The following GRAMD4 variants were observed in gnomAD, a reference collection of about 807,000 sequenced individuals.
GRAMD4 encodes GRAM domain-containing protein 4.
GRAMD4 carries 25 observed loss-of-function variants against 83.9 expected under a neutral mutation model. The ratio of observed to expected loss-of-function variants is 0.30; its 90% confidence interval spans 0.22 to 0.42. GRAMD4 has a LOEUF of 0.42. Among genes scored for constraint, GRAMD4 ranks in the 10% least tolerant of loss-of-function variants. GRAMD4 has a pLI of 1.00. For missense variants in GRAMD4, 593 were observed against 788.7 expected, an observed-to-expected ratio of 0.75 and a Z score of 2.97; for synonymous variants, 336 against 320.9, an observed-to-expected ratio of 1.05 and a Z score of -0.50.
Position 46,611,228 on chromosome 22 carries a change from AT to A in GRAMD4, c.-49-15522del, listed in dbSNP as rs201302726. Among the ~76,000 whole-genome samples, 215 of 150,466 alleles carry A rather than the reference AT, an allele frequency of 1.4e-3. 4 individuals carry two copies. The highest frequency in any genetic ancestry group is 2.2e-3 in the Non-Finnish European group (149 of 67,482). On this transcript the variant is annotated intron_variant, in intron 1 of 1. Transcript: ENST00000431155. ...CGAAACTCCATCTCAAAAAAAAAAA[AT>A]ATTAAATAAAAAATAAACATCTATG...
intron 8 of GRAMD4, 94 bp downstream of exon 8, chr22:46,664,211 C>A: frequency 1.1e-6 from 1 of 893,436 alleles, no homozygotes; most frequent in Non-Finnish European, 1.9e-6. Context: ...TGGGAGGTGG[C>A]CCCCAGGTGG....
At chr22:46,676,171 C>G (rs1401939200) in intron 17 of GRAMD4, among the ~76,000 whole-genome samples, 2 of 152,210 alleles carry the variant, frequency 1.3e-5, no homozygotes, top group Non-Finnish European at 2.9e-5. Context: ...ATCTCTCCCA[C>G]CCGGCTCTGG....
At chr22:46,611,503 C>T (rs531440581) in intron 1 of GRAMD4, among the ~76,000 whole-genome samples, 1 of 152,062 alleles carries the variant, frequency 6.6e-6, no homozygotes, top group Non-Finnish European at 1.5e-5. Context: ...ACCCATTTGT[C>T]AGGTGGTTTA....
chr22:46,583,335 A>G (rs954104832), intron 1 of GRAMD4, among the ~76,000 whole-genome samples: 3 of 152,240 alleles, frequency 2.0e-5, no homozygotes, highest in Non-Finnish European at 2.9e-5. Context: ...TTAACATCTT[A>G]CATTAGTATG....
chr22:46,639,204 G>A (rs2081937295), intron 3 of GRAMD4, among the ~76,000 whole-genome samples: 1 of 151,120 alleles, frequency 6.6e-6, no homozygotes, highest in Non-Finnish European at 1.5e-5. Context: ...GGTTAACTCT[G>A]TGTATGCATG....
At chr22:46,652,518 G>A (rs997886700) in intron 3 of GRAMD4, among the ~76,000 whole-genome samples, 1 of 152,228 alleles carries the variant, frequency 6.6e-6, no homozygotes. Flanking sequence ...CAAATGCAGA[G>A]GTCACCAAGG....
chr22:46,617,328 A>T (rs1347267000), upstream of GRAMD4, among the ~76,000 whole-genome samples: 1 of 104,240 alleles, frequency 9.6e-6, no homozygotes. Flanking sequence ...ACGTTCCCCT[A>T]AGCATGTAGG....
At chr22:46,606,829 A>G (rs1363098328) in intron 1 of GRAMD4, among the ~76,000 whole-genome samples, 1 of 152,260 alleles carries the variant, frequency 6.6e-6, no homozygotes, top group Non-Finnish European at 1.5e-5. Flanking sequence ...TGCTGTGGAC[A>G]TGGGTGTGCC....
At chr22:46,661,486 T>G (rs1601658190) in intron 5 of GRAMD4, 44 bp downstream of exon 5, 1 of 1,255,896 alleles carries the variant, frequency 8.0e-7, no homozygotes, top group Non-Finnish European at 1.2e-6. Context: ...GGCGGGTGGG[T>G]GGCTGCGCGT....
chr22:46,641,040 C>T (rs374604588), intron 3 of GRAMD4, among the ~76,000 whole-genome samples: 16 of 152,128 alleles, frequency 1.1e-4, no homozygotes, highest in South Asian at 2.1e-4. Context: ...CACTCCAGCC[C>T]GGATGACAGA....
chr22:46,624,079 G>A (rs553977392), intron 1 of GRAMD4, among the ~76,000 whole-genome samples: 1 of 152,200 alleles, frequency 6.6e-6, no homozygotes, highest in South Asian at 2.1e-4. Context: ...ACCGCACCTG[G>A]CCTAGTCAAG....
chr22:46,625,787 CT>C (rs1206073105), intron 1 of GRAMD4, among the ~76,000 whole-genome samples: 1 of 152,254 alleles, frequency 6.6e-6, no homozygotes, highest in African/African-American at 2.4e-5. Context: ...GGCCTCCAGG[CT>C]TTTGGGGGTG....
chr22:46,595,352 T>C (rs2081251573), intron 1 of GRAMD4, among the ~76,000 whole-genome samples: 1 of 152,206 alleles, frequency 6.6e-6, no homozygotes, highest in Admixed American at 6.5e-5. Flanking sequence ...ATAGTGTCTC[T>C]TCCGACTTTA....
At chr22:46,662,320 C>T (rs1384242841) in intron 5 of GRAMD4, among the ~76,000 whole-genome samples, 1 of 152,214 alleles carries the variant, frequency 6.6e-6, no homozygotes, top group East Asian at 1.9e-4. Context: ...ACCACAGGCC[C>T]TCTGGTCCCA....
At chr22:46,655,348 C>T (rs575173341) in intron 3 of GRAMD4, among the ~76,000 whole-genome samples, 153 of 152,160 alleles carry the variant, frequency 1.0e-3, no homozygotes, top group African/African-American at 3.3e-3. Flanking sequence ...GAGTTCTAAG[C>T]GGGAAAGCAA....
At chr22:46,657,816 A>G (rs1337169631) in intron 3 of GRAMD4, among the ~76,000 whole-genome samples, 1 of 152,222 alleles carries the variant, frequency 6.6e-6, no homozygotes, top group Non-Finnish European at 1.5e-5. Flanking sequence ...TGGGCTGGCC[A>G]GGTGTGGTCA....
At chr22:46,680,594 C>T (rs1377793713), downstream of GRAMD4, among the ~76,000 whole-genome samples, 2 of 130,220 alleles carry the variant, frequency 1.5e-5, no homozygotes, top group Non-Finnish European at 3.4e-5. Flanking sequence ...ATCCATCCAT[C>T]CACCCACCCA....
intron 1 of GRAMD4, among the ~76,000 whole-genome samples, chr22:46,583,696 A>G (rs988812837): frequency 2.0e-5 from 3 of 152,270 alleles, no homozygotes; most frequent in Admixed American, 2.0e-4. Context: ...GAGGAAGACC[A>G]CAGGGGCATG....
intron 1 of GRAMD4, among the ~76,000 whole-genome samples, chr22:46,624,320 C>G (rs1239799028): frequency 8.3e-6 from 1 of 120,906 alleles, no homozygotes; most frequent in Non-Finnish European, 1.6e-5. Flanking sequence ...TAAGTTCCCT[C>G]TTCCTTTTTT....
Sources: allele counts gnomAD v4.1 joint callset (sites outside exome capture counted in the v4.1 genomes callset), GRCh38; gene constraint gnomAD v4.1.1; transcripts MANE v1.5; gene names NCBI Gene and HGNC (gene_info 2026-07-23, HGNC 2026-07-21).